The following CNTNAP5 variants were observed in gnomAD, a reference collection of about 807,000 sequenced individuals.
The protein encoded by CNTNAP5 is contactin associated protein family member 5, also known as contactin-associated protein-like 5.
CNTNAP5 carries 72 observed loss-of-function variants against 150.2 expected under a neutral mutation model. The ratio of observed to expected loss-of-function variants is 0.48; its 90% CI spans 0.40 to 0.58. The LOEUF is 0.58. Ranked by LOEUF, CNTNAP5 falls within the 20% of genes least tolerant of loss-of-function variation. The pLI, the probability that CNTNAP5 is intolerant of heterozygous loss-of-function variation, is 0.00. For synonymous variants in CNTNAP5, 672 were observed against 619.8 expected (o/e 1.08, Z -1.25); for missense variants, 1,636 against 1,626.2 (o/e 1.01, Z -0.10).
intron 13 of CNTNAP5, among the ~76,000 whole-genome samples, chr2:124,725,583 T>G (rs1680139562): frequency 6.6e-6 from 1 of 151,764 alleles, no homozygotes; most frequent in African/African-American, 2.4e-5. Flanking sequence ...TGAGAACACT[T>G]AAGATTTACT....
At chr2:124,779,255 G>A (rs1214313223) in intron 17 of CNTNAP5, among the ~76,000 whole-genome samples, 1 of 152,200 alleles carries the variant, frequency 6.6e-6, no homozygotes, top group African/African-American at 2.4e-5. Context: ...ACAACTGTTG[G>A]GCCCAAGAAG....
intron 3 of CNTNAP5, among the ~76,000 whole-genome samples, chr2:124,410,205 A>G (rs544142007): frequency 6.7e-6 from 1 of 149,900 alleles, no homozygotes; most frequent in Admixed American, 6.6e-5. Flanking sequence ...TGCACCCAAT[A>G]CAGGAGCACC....
In CNTNAP5 at chr2:124,914,278, A is replaced by T. The variant is rs1678717155; in HGVS notation, c.3914A>T (p.Tyr1305Phe). ...QNTVSECKRE[Y>F]FI ...ACAGTGAGCGAGTGTAAACGGGAATATTTCATCTGAGAAACTGCAGGGTTC... is the reference window on the plus strand; with the variant it reads ...ACAGTGAGCGAGTGTAAACGGGAATTTTTCATCTGAGAAACTGCAGGGTTC... The change falls in exon 24 of 24, where the codon TAT becomes TTT. Residue 1305 changes from tyrosine (Y) to phenylalanine (F), a missense_variant. By Grantham distance (22) the Tyr-to-Phe change is conservative. Coordinates refer to ENST00000682447, the MANE Select transcript of CNTNAP5 (RefSeq NM_001367498.1). 1 of 1,609,874 alleles carries T rather than the reference A, an allele frequency of 6.2e-7. No homozygotes were observed. The highest frequency in any genetic ancestry group is 1.7e-5 in the Admixed American group (1 of 59,728).
intron 14 of CNTNAP5, among the ~76,000 whole-genome samples, chr2:124,763,423 A>C (rs2104600010): frequency 6.6e-6 from 1 of 152,216 alleles, no homozygotes; most frequent in East Asian, 1.9e-4. Flanking sequence ...TTTGTAAACT[A>C]TCCATTTCTA....
At chr2:124,343,606 G>C (rs1183070185) in intron 3 of CNTNAP5, among the ~76,000 whole-genome samples, 1 of 152,112 alleles carries the variant, frequency 6.6e-6, no homozygotes, top group African/African-American at 2.4e-5. Flanking sequence ...GCAAAAACAG[G>C]AAGTTACATA....
chr2:124,222,152 T>A, intron 2 of CNTNAP5, among the ~76,000 whole-genome samples: 1 of 152,258 alleles, frequency 6.6e-6, no homozygotes, highest in South Asian at 2.1e-4. Flanking sequence ...ATATTTATAA[T>A]GAATGTTTAT....
At chr2:124,398,408 C>T (rs1030142673) in intron 3 of CNTNAP5, among the ~76,000 whole-genome samples, 6 of 151,870 alleles carry the variant, frequency 4.0e-5, no homozygotes, top group South Asian at 4.2e-4. Context: ...AAGGAGAACA[C>T]GGAAAGGAGA....
At chr2:124,653,405 T>C (rs1210998575) in intron 13 of CNTNAP5, among the ~76,000 whole-genome samples, 2 of 141,684 alleles carry the variant, frequency 1.4e-5, no homozygotes, top group African/African-American at 2.6e-5. Flanking sequence ...TGTATGATAG[T>C]ATATAGTATA....
At chr2:124,557,029 C>T (rs1695773320) in intron 10 of CNTNAP5, among the ~76,000 whole-genome samples, 1 of 151,106 alleles carries the variant, frequency 6.6e-6, no homozygotes, top group African/African-American at 2.4e-5. Context: ...AAAAAAAAAG[C>T]TCTAAGTTGC....
rs370794956 is a variant in CNTNAP5 at position 124,593,127 on chromosome 2, A to ATTTATTTAT, written c.1757-16672_1757-16671insTATTTATTT. 2.6e-3 allele frequency among the ~76,000 whole-genome samples: 387 copies of ATTTATTTAT among 146,354 alleles called. 3 individuals are homozygous for ATTTATTTAT. The highest frequency in any genetic ancestry group is 0.013 in the East Asian group (64 of 4,892). ...TCAATATTTATTTATTTATTTATTT[A>ATTTATTTAT]TTATTATTATTATTTTTTTAATTAT... On this transcript the variant is annotated intron_variant, in intron 11 of 23. Transcript: ENST00000682447.
At chr2:124,468,138 C>A (rs1442403515) in intron 6 of CNTNAP5, among the ~76,000 whole-genome samples, 9 of 152,074 alleles carry the variant, frequency 5.9e-5, no homozygotes, top group Admixed American at 3.9e-4. Context: ...GTGTACTAAC[C>A]AGGGTTCTCT....
intron 14 of CNTNAP5, among the ~76,000 whole-genome samples, chr2:124,756,391 G>T (rs62171338): frequency 4.6e-5 from 7 of 152,136 alleles, no homozygotes; most frequent in Non-Finnish European, 1.0e-4. Flanking sequence ...ACTATCATTT[G>T]ACTGAGCAAT....
intron 13 of CNTNAP5, among the ~76,000 whole-genome samples, chr2:124,692,541 G>A (rs1679320210): frequency 6.6e-6 from 1 of 152,110 alleles, no homozygotes; most frequent in Non-Finnish European, 1.5e-5. Flanking sequence ...GCTTATCCAT[G>A]GAGGTTGGAA....
chr2:124,850,332 G>C (rs139609610), intron 19 of CNTNAP5, among the ~76,000 whole-genome samples: 53 of 152,230 alleles, frequency 3.5e-4, no homozygotes, highest in African/African-American at 1.2e-3. Flanking sequence ...CCAATGACTG[G>C]TGTCTTTTTA....
chr2:124,090,132 C>T (rs1183175012), intron 1 of CNTNAP5, among the ~76,000 whole-genome samples: 1 of 152,120 alleles, frequency 6.6e-6, no homozygotes, highest in Non-Finnish European at 1.5e-5. Flanking sequence ...GCAAAAATAT[C>T]CTGCATGTGA....
intron 3 of CNTNAP5, among the ~76,000 whole-genome samples, chr2:124,351,248 T>C (rs949202940): frequency 6.6e-6 from 1 of 152,230 alleles, no homozygotes; most frequent in African/African-American, 2.4e-5. Flanking sequence ...GAGAGTGACC[T>C]GATTTCAGGG....
chr2:124,166,421 G>T (rs1055697303), intron 1 of CNTNAP5, among the ~76,000 whole-genome samples: 3 of 152,070 alleles, frequency 2.0e-5, no homozygotes, highest in Non-Finnish European at 4.4e-5. Flanking sequence ...TTAAGTATAG[G>T]GATTCCAAGA....
At chr2:124,262,646 A>G (rs1476577993) in intron 3 of CNTNAP5, among the ~76,000 whole-genome samples, 1 of 148,994 alleles carries the variant, frequency 6.7e-6, no homozygotes, top group Non-Finnish European at 1.5e-5. Flanking sequence ...TTCCAACAGC[A>G]TTCTGTTTTT....
intron 21 of CNTNAP5, among the ~76,000 whole-genome samples, chr2:124,870,408 T>C (rs1214643480): frequency 6.6e-6 from 1 of 152,112 alleles, no homozygotes; most frequent in East Asian, 1.9e-4. Context: ...TTTCTTTCAA[T>C]TTTTCCTTTT....
Sources: allele counts gnomAD v4.1 joint callset (sites outside exome capture counted in the v4.1 genomes callset), GRCh38; gene constraint gnomAD v4.1.1; transcripts MANE v1.5; gene names NCBI Gene and HGNC (gene_info 2026-07-23, HGNC 2026-07-21).